The following CLSTN2 variants were observed in gnomAD, a reference collection of about 807,000 sequenced individuals.
CLSTN2 encodes calsyntenin 2, also known as calsyntenin-2.
Under a neutral mutation model 101.2 loss-of-function variants are expected in CLSTN2, and 48 were observed. The ratio of observed to expected loss-of-function variants is 0.47; its 90% CI spans 0.38 to 0.60. CLSTN2 has a LOEUF of 0.60. Among genes scored for constraint, CLSTN2 ranks in the 20% least tolerant of loss-of-function variants. The pLI is 0.00. For synonymous variants in CLSTN2, 481 were observed against 463.6 expected (o/e 1.04, Z -0.48); for missense variants, 1,160 against 1,238.2 (o/e 0.94, Z 0.95).
At chr3:140,006,398 G>A (rs971069187) in intron 1 of CLSTN2, among the ~76,000 whole-genome samples, 8 of 152,206 alleles carry the variant, frequency 5.3e-5, no homozygotes, top group African/African-American at 1.9e-4. Context: ...TTTAGGATGT[G>A]ACTCCTCTAG....
intron 1 of CLSTN2, among the ~76,000 whole-genome samples, chr3:140,055,877 A>C (rs2008087070): frequency 6.6e-6 from 1 of 152,202 alleles, no homozygotes; most frequent in African/African-American, 2.4e-5. Flanking sequence ...GTAGAGCCTG[A>C]GTGGGAATAT....
intron 1 of CLSTN2, among the ~76,000 whole-genome samples, chr3:140,161,378 G>C (rs927406081): frequency 1.3e-5 from 2 of 152,048 alleles, no homozygotes; most frequent in Admixed American, 6.6e-5. Flanking sequence ...CTCCAACCAG[G>C]TTGCAAAAGA....
intron 1 of CLSTN2, among the ~76,000 whole-genome samples, chr3:140,171,670 A>G (rs1291701001): frequency 1.2e-4 from 3 of 24,262 alleles, no homozygotes; most frequent in Non-Finnish European, 2.2e-4. Context: ...ATTATATATA[A>G]TATGTATTAT....
intron 2 of CLSTN2, among the ~76,000 whole-genome samples, chr3:140,307,129 T>C (rs965203394): frequency 6.6e-6 from 1 of 152,170 alleles, no homozygotes. Flanking sequence ...ATGTAAGATA[T>C]GACTTGCTCC....
intron 8 of CLSTN2, among the ~76,000 whole-genome samples, chr3:140,479,389 A>C (rs984461689): frequency 6.6e-6 from 1 of 152,212 alleles, no homozygotes; most frequent in African/African-American, 2.4e-5. Flanking sequence ...AAAAATCAAC[A>C]ATAACAGAAT....
At chr3:140,241,913 A>T (rs1457826320) in intron 2 of CLSTN2, among the ~76,000 whole-genome samples, 3 of 151,124 alleles carry the variant, frequency 2.0e-5, no homozygotes, top group African/African-American at 4.9e-5. Flanking sequence ...ACATATATAT[A>T]TATATATAAT....
At chr3:140,090,207 T>C (rs1366876698) in intron 1 of CLSTN2, among the ~76,000 whole-genome samples, 3 of 151,346 alleles carry the variant, frequency 2.0e-5, no homozygotes, top group African/African-American at 7.3e-5. Context: ...GGGGGAAGCA[T>C]GTCTCTGCTT....
chr3:140,329,746 A>C (rs1253296658), intron 2 of CLSTN2, among the ~76,000 whole-genome samples: 1 of 152,256 alleles, frequency 6.6e-6, no homozygotes, highest in Non-Finnish European at 1.5e-5. Flanking sequence ...GCATGGCCCC[A>C]GCAAAACAGG....
intron 1 of CLSTN2, among the ~76,000 whole-genome samples, chr3:140,084,395 A>T (rs1362122668): frequency 6.6e-6 from 1 of 152,210 alleles, no homozygotes; most frequent in Non-Finnish European, 1.5e-5. Context: ...CAAAGACCTT[A>T]ACCCCCTGTA....
chr3:139,993,421 C>T (rs6768805), intron 1 of CLSTN2, among the ~76,000 whole-genome samples: 45,483 of 152,056 alleles, frequency 0.3, 8,431 homozygotes, highest in South Asian at 0.42. Context: ...TTTCCTAATA[C>T]GTACTGCTTC....
At chr3:139,987,229 C>T (rs1252308661) in intron 1 of CLSTN2, among the ~76,000 whole-genome samples, 2 of 152,166 alleles carry the variant, frequency 1.3e-5, no homozygotes, top group African/African-American at 4.8e-5. Context: ...CAGGCCCTTA[C>T]AAACTTCTGG....
At chr3:140,527,140 A>C (rs1022673096) in intron 8 of CLSTN2, among the ~76,000 whole-genome samples, 2 of 152,170 alleles carry the variant, frequency 1.3e-5, no homozygotes, top group Non-Finnish European at 2.9e-5. Context: ...TCAACAGAGT[A>C]AACAGCCTAC....
intron 2 of CLSTN2, among the ~76,000 whole-genome samples, chr3:140,203,121 T>A (rs1482882350): frequency 1.3e-5 from 2 of 152,206 alleles, no homozygotes; most frequent in African/African-American, 4.8e-5. Context: ...GAAACCTTTA[T>A]TATTTTAAGC....
At chr3:140,304,722 G>A (rs920513812) in intron 2 of CLSTN2, among the ~76,000 whole-genome samples, 12 of 152,118 alleles carry the variant, frequency 7.9e-5, no homozygotes, top group Non-Finnish European at 1.2e-4. Flanking sequence ...GGGAGGAAGC[G>A]TCTTTTCTCA....
At chr3:140,104,933 G>A (rs1024985434) in intron 1 of CLSTN2, among the ~76,000 whole-genome samples, 6 of 152,206 alleles carry the variant, frequency 3.9e-5, no homozygotes, top group African/African-American at 9.6e-5. Context: ...AGCAGAGATC[G>A]TGCCACTGCA....
intron 1 of CLSTN2, among the ~76,000 whole-genome samples, chr3:140,134,285 T>C (rs944909199): frequency 2.6e-5 from 4 of 152,226 alleles, no homozygotes; most frequent in Non-Finnish European, 5.9e-5. Context: ...AATATTTTCC[T>C]TCTGGACATA....
intron 1 of CLSTN2, among the ~76,000 whole-genome samples, chr3:140,041,497 A>G (rs546011783): frequency 6.6e-6 from 1 of 152,252 alleles, no homozygotes; most frequent in East Asian, 1.9e-4. Context: ...TTTATAAATT[A>G]TGGAGAGGGG....
chr3:140,131,081 T>C (rs1159237144), intron 1 of CLSTN2, among the ~76,000 whole-genome samples: 1 of 152,134 alleles, frequency 6.6e-6, no homozygotes, highest in Non-Finnish European at 1.5e-5. Flanking sequence ...TGAAGAACTT[T>C]CTTGTCATAC....
intron 8 of CLSTN2, among the ~76,000 whole-genome samples, chr3:140,477,524 G>A (rs1934014186): frequency 6.6e-6 from 1 of 152,206 alleles, no homozygotes. Flanking sequence ...AGAGGCTATA[G>A]TGTTCCAATC....
Sources: gnomAD v4.1 joint callset for allele counts (sites outside exome capture counted in the v4.1 genomes callset) on GRCh38, gnomAD v4.1.1 for gene constraint, MANE v1.5 for transcripts, NCBI Gene and HGNC (gene_info 2026-07-23, HGNC 2026-07-21) for gene names.